Variants in NUP214 observed in about 807,000 individuals in gnomAD.
NUP214 encodes the protein nuclear pore complex protein Nup214.
A neutral mutation model predicts 196.2 loss-of-function variants in NUP214; 79 were observed. That is an observed-to-expected ratio of 0.40 (90% CI 0.34 to 0.49). The LOEUF is 0.49. Among genes scored for constraint, NUP214 ranks in the 20% least tolerant of loss-of-function variants. The probability of loss-of-function intolerance (pLI) is 0.58; values close to 1 mark genes in which losing one functional copy is unlikely to be tolerated. For synonymous variants in NUP214, 1,020 were observed against 990.5 expected (o/e 1.03, Z -0.56); for missense variants, 2,468 against 2,539.0 (o/e 0.97, Z 0.60).
intron 18 of NUP214, among the ~76,000 whole-genome samples, chr9:131,160,608 T>C (rs1832603706): frequency 6.6e-6 from 1 of 152,246 alleles, no homozygotes; most frequent in African/African-American, 2.4e-5. Context: ...GATTAATGAT[T>C]AGCTAGCCCT....
At chr9:131,164,530 A>G (rs531511371) in intron 21 of NUP214, 1 of 160,750 alleles carries the variant, frequency 6.2e-6, no homozygotes, top group African/African-American at 2.4e-5. Context: ...GTAAGTTTGC[A>G]TCTGGGAAAA....
chr9:131,170,797 T>TATTATC (rs1336819354), intron 21 of NUP214, among the ~76,000 whole-genome samples: 8 of 87,580 alleles, frequency 9.1e-5, no homozygotes, highest in African/African-American at 3.3e-4. Context: ...TTGTTATTAT[T>TATTATC]ATTATCATTA....
intron 30 of NUP214, among the ~76,000 whole-genome samples, chr9:131,209,051 A>G (rs948512446): frequency 2.0e-5 from 3 of 152,026 alleles, no homozygotes; most frequent in Admixed American, 1.3e-4. Flanking sequence ...GTTCTCATTC[A>G]TGCTACATAT....
intron 30 of NUP214, among the ~76,000 whole-genome samples, chr9:131,204,333 TTAAACTCAGGTG>T (rs1564209397): frequency 6.6e-6 from 1 of 152,312 alleles, no homozygotes; most frequent in East Asian, 1.9e-4. Flanking sequence ...AATGTAATGA[TTAAACTCAGGTG>T]TAAACTCAGT....
At chr9:131,180,688 G>A (rs543823482) in intron 24 of NUP214, among the ~76,000 whole-genome samples, 1 of 152,300 alleles carries the variant, frequency 6.6e-6, no homozygotes, top group African/African-American at 2.4e-5. Flanking sequence ...TCCATCGCTT[G>A]ATTCAGCAGA....
At position 131,197,484 on chromosome 9, in the gene NUP214, T is replaced by C. The variant is rs147333389; in HGVS notation, c.3990T>C (p.Thr1330=). ...TTCCAAGTTCTTTGGCTGGAGAGAC[T>C]CTGGGAAGTTTTTCAGGACTGCGGG... The part of the protein sequence containing the change: ...LLFPSSLAGE[T]LGSFSGLRVG... Residue 1330 remains threonine (T), a synonymous_variant, in exon 29 of 36, where the codon ACT becomes ACC. Transcript: ENST00000359428. 1.9e-6 allele frequency: 3 copies of C among 1,614,018 alleles called. No homozygotes were observed. The highest frequency in any genetic ancestry group is 2.5e-6 in the Non-Finnish European group (3 of 1,180,026).
At chr9:131,192,375 T>G in intron 27 of NUP214, 83 bp downstream of exon 27, 1 of 826,666 alleles carries the variant, frequency 1.2e-6, no homozygotes, top group Non-Finnish European at 1.9e-6. Flanking sequence ...ATTTATTTAC[T>G]TATTAAATGT....
chr9:131,188,068 A>G (rs1418252251), intron 25 of NUP214, among the ~76,000 whole-genome samples: 1 of 152,200 alleles, frequency 6.6e-6, no homozygotes, highest in East Asian at 1.9e-4. Context: ...TGAGTGACCA[A>G]CGCAAACTCT....
rs757729764 is a variant in NUP214 at position 131,215,334 on chromosome 9, G to T, written c.5715G>T (p.Ser1905=). The T allele has an allele frequency of 2.5e-6, 4 of 1,601,478 alleles. No individual in the cohort carries two copies. Among genetic ancestry groups the T allele is most frequent in the Non-Finnish European group, 3.4e-6 (4 of 1,174,230 alleles). The change falls in exon 31 of 36, where the codon TCG becomes TCT. Residue 1905 remains serine, a synonymous_variant. Coordinates refer to ENST00000359428, the MANE Select transcript of NUP214 (RefSeq NM_005085.4). ...CAGCCAACAAAAACCCATTCAGCTC[G>T]GCCAGTGGGGGCTTTGGATCCACAG... ...QDAANKNPFS[S]ASGGFGSTAT... is the part of the protein sequence containing the mutation.
At chr9:131,184,944 T>C (rs953242481) in intron 24 of NUP214, among the ~76,000 whole-genome samples, 1 of 152,252 alleles carries the variant, frequency 6.6e-6, no homozygotes, top group Non-Finnish European at 1.5e-5. Flanking sequence ...CAGTTACTCT[T>C]GATAAGTTCC....
chr9:131,138,510 A>G (rs559859452), intron 9 of NUP214, among the ~76,000 whole-genome samples: 28 of 152,178 alleles, frequency 1.8e-4, no homozygotes, highest in Middle Eastern at 3.4e-3. Flanking sequence ...GAACCACTAC[A>G]TCCAGCCTGT....
Position 131,233,566 on chromosome 9 carries a change from G to A in NUP214, c.*79G>A, listed in dbSNP as rs761369897. 2.6e-5 allele frequency: 41 copies of A among 1,549,206 alleles called. No individual in the cohort carries two copies. The highest frequency in any genetic ancestry group is 1.7e-4 in the Middle Eastern group (1 of 5,974). ...TCCCCGAGAAATGCTGGAGCAGGCT[G>A]TTCAGACCGACGTTGCCATCAAAAC... is the stretch of plus-strand genomic sequence containing the variant. On this transcript the variant is annotated 3_prime_UTR_variant, in exon 36 of 36. Coordinates refer to ENST00000359428, the MANE Select transcript of NUP214 (RefSeq NM_005085.4).
At chr9:131,214,823 G>A (rs949623716) in intron 30 of NUP214, among the ~76,000 whole-genome samples, 1 of 152,206 alleles carries the variant, frequency 6.6e-6, no homozygotes, top group African/African-American at 2.4e-5. Context: ...AAACGCTGGA[G>A]GAATCAGAAT....
chr9:131,129,595 G>A, intron 4 of NUP214, 118 bp downstream of exon 4: 2 of 954,808 alleles, frequency 2.1e-6, no homozygotes, highest in Non-Finnish European at 3.2e-6. Flanking sequence ...TCATGACGAG[G>A]GAGGTTAAGG....
intron 30 of NUP214, among the ~76,000 whole-genome samples, chr9:131,208,602 C>A (rs969654923): frequency 3.9e-5 from 6 of 152,158 alleles, no homozygotes; most frequent in Admixed American, 3.9e-4. Context: ...GAGGCTGAGG[C>A]AGGAGAATGG....
intron 2 of NUP214, 23 bp downstream of exon 2, chr9:131,127,742 C>T: frequency 6.4e-7 from 1 of 1,566,310 alleles, no homozygotes; most frequent in Non-Finnish European, 8.8e-7. Flanking sequence ...GTTTATGTTG[C>T]AAAGTAGAGA....
chr9:131,173,924 C>A, intron 21 of NUP214, 131 bp from the exon 22 acceptor site: 2 of 1,194,768 alleles, frequency 1.7e-6, no homozygotes, highest in African/African-American at 1.6e-5. Context: ...TACCTGCTCC[C>A]ACTTAAAATA....
intron 33 of NUP214, chr9:131,229,666 C>G (rs371718919): frequency 2.2e-5 from 11 of 508,662 alleles, no homozygotes; most frequent in Non-Finnish European, 3.9e-5. Flanking sequence ...CTTCCAGGTC[C>G]CTGGCCATGA....
intron 14 of NUP214, among the ~76,000 whole-genome samples, chr9:131,149,590 GCACCTCT>G (rs1457839986): frequency 1.3e-5 from 2 of 151,788 alleles, no homozygotes; most frequent in African/African-American, 4.8e-5. Flanking sequence ...TCAAGCTGTT[GCACCTCT>G]CACCTTGTTA....
Sources: allele counts gnomAD v4.1 joint callset (sites outside exome capture counted in the v4.1 genomes callset), GRCh38; gene constraint gnomAD v4.1.1; transcripts MANE v1.5; gene names NCBI Gene and HGNC (gene_info 2026-07-23, HGNC 2026-07-21).